The following PALLD variants were observed in gnomAD, a reference collection of about 807,000 sequenced individuals.
PALLD encodes palladin, cytoskeletal associated protein, also known as palladin.
PALLD carries 61 observed loss-of-function variants against 123.5 expected under a neutral mutation model. That is an observed-to-expected ratio of 0.49 (90% CI 0.40 to 0.61). The LOEUF is 0.61. Among genes scored for constraint, PALLD ranks in the 20% least tolerant of loss-of-function variants. The pLI, the probability that PALLD is intolerant of heterozygous loss-of-function variation, is 0.00. For missense variants in PALLD, 1,273 were observed against 1,377.0 expected (o/e 0.92, Z 1.20); for synonymous variants, 465 against 496.4 (o/e 0.94, Z 0.84).
intron 10 of PALLD, among the ~76,000 whole-genome samples, chr4:168,719,912 G>A (rs1289780146): frequency 6.6e-6 from 1 of 152,164 alleles, no homozygotes; most frequent in Admixed American, 6.5e-5. Context: ...ACATGATCTT[G>A]TTCCTTTATA....
intron 10 of PALLD, among the ~76,000 whole-genome samples, chr4:168,813,335 T>TC (rs1195059244): frequency 6.6e-6 from 1 of 152,210 alleles, no homozygotes; most frequent in African/African-American, 2.4e-5. Context: ...CCCAACACTT[T>TC]CCTAGGTAAA....
chr4:168,647,773 T>G (rs1029122131), intron 2 of PALLD: 1 of 97,230 alleles, frequency 1.0e-5, no homozygotes. Flanking sequence ...AGAGCCCGAC[T>G]CTGTCTCAAA....
At chr4:168,745,116 A>G (rs1485009335) in intron 10 of PALLD, among the ~76,000 whole-genome samples, 1 of 152,202 alleles carries the variant, frequency 6.6e-6, no homozygotes, top group Non-Finnish European at 1.5e-5. Context: ...CTTTATTGAT[A>G]AAACAAAAGT....
intron 10 of PALLD, among the ~76,000 whole-genome samples, chr4:168,746,204 C>T (rs1406551771): frequency 6.6e-6 from 1 of 151,614 alleles, no homozygotes; most frequent in East Asian, 1.9e-4. Context: ...TCTATAAAGC[C>T]TGCTTGGATA....
At position 168,512,839 on chromosome 4, in the gene PALLD, A is replaced by AG. The variant is rs566194100; in HGVS notation, c.908+428dup. ...CTAGAAGTGAAAGGCACGAGTGTGT[A>AG]GAGGCCAACCTTCAGATTAGCCCCC... is the stretch of plus-strand genomic sequence containing the variant. On this transcript the variant is annotated intron_variant, in intron 2 of 21. Transcript: ENST00000505667. Among the ~76,000 whole-genome samples the AG allele has an allele frequency of 6.4e-4, 98 of 152,312 alleles. 1 individual carries two copies. The highest frequency in any genetic ancestry group is 2.1e-3 in the African/African-American group (89 of 41,558).
At chr4:168,764,815 T>A (rs1400494952) in intron 10 of PALLD, among the ~76,000 whole-genome samples, 1 of 152,108 alleles carries the variant, frequency 6.6e-6, no homozygotes, top group Non-Finnish European at 1.5e-5. Flanking sequence ...GCTCCTTTGG[T>A]TCCCGCACCT....
At chr4:168,505,006 G>A (rs548351701) in intron 1 of PALLD, 4 of 152,322 alleles carry the variant, frequency 2.6e-5, no homozygotes, top group Admixed American at 2.6e-4. Flanking sequence ...AAATGATGGA[G>A]ATGTTTGTGA....
chr4:168,558,546 C>T (rs930643557), intron 2 of PALLD, among the ~76,000 whole-genome samples: 37 of 152,198 alleles, frequency 2.4e-4, no homozygotes, highest in Non-Finnish European at 4.3e-4. Context: ...TTCACCAGCC[C>T]TTCTTCCCTC....
chr4:168,912,209 A>G (rs1290582866), intron 15 of PALLD, among the ~76,000 whole-genome samples: 2 of 152,200 alleles, frequency 1.3e-5, no homozygotes, highest in African/African-American at 4.8e-5. Context: ...ACCTGTCTCT[A>G]TAGGCAGCTT....
Position 168,815,130 on chromosome 4 carries a change from C to A in PALLD, c.1965-75792C>A, listed in dbSNP as rs551464523. On this transcript the variant is annotated intron_variant, in intron 10 of 21. Coordinates refer to ENST00000505667, the MANE Select transcript of PALLD (RefSeq NM_001166108.2). ...TCTTTTCAAGAACAAGATGAATGAG[C>A]AAATGTAAACATTTTAAAATTAACT... Among the ~76,000 whole-genome samples, 6 of 152,318 alleles carry A rather than the reference C, an allele frequency of 3.9e-5. No homozygotes were observed. In the South Asian group the frequency reaches 1.2e-3, roughly 32 times the overall value.
intron 8 of PALLD, among the ~76,000 whole-genome samples, chr4:168,701,981 C>G (rs1783716849): frequency 6.6e-6 from 1 of 152,228 alleles, no homozygotes; most frequent in African/African-American, 2.4e-5. Flanking sequence ...AAGCTTATAT[C>G]CTGTTCCAAT....
intron 10 of PALLD, among the ~76,000 whole-genome samples, chr4:168,866,196 T>C (rs552958489): frequency 9.9e-5 from 15 of 152,262 alleles, no homozygotes; most frequent in African/African-American, 3.4e-4. Context: ...GCCCAGGAGT[T>C]TGAGGCTGCA....
intron 4 of PALLD, 61 bp downstream of exon 4, chr4:168,681,459 G>A: frequency 1.9e-6 from 2 of 1,061,960 alleles, no homozygotes; most frequent in Non-Finnish European, 2.9e-6. Context: ...AATGGTTGGG[G>A]TATGAAACCA....
intron 1 of PALLD, among the ~76,000 whole-genome samples, chr4:168,508,623 C>A (rs533054705): frequency 1.3e-5 from 2 of 151,992 alleles, no homozygotes; most frequent in African/African-American, 4.8e-5. Context: ...GATTTCAACA[C>A]AAAAACTGAA....
intron 10 of PALLD, among the ~76,000 whole-genome samples, chr4:168,822,538 A>G (rs1461556024): frequency 1.3e-5 from 2 of 152,184 alleles, no homozygotes; most frequent in African/African-American, 4.8e-5. Flanking sequence ...ACCTGATACT[A>G]ACTCATTCTT....
At chr4:168,510,422 C>A (rs893980618) in intron 1 of PALLD, among the ~76,000 whole-genome samples, 1 of 152,030 alleles carries the variant, frequency 6.6e-6, no homozygotes, top group Non-Finnish European at 1.5e-5. Context: ...AAAGCCTTAT[C>A]AAAATTTTAT....
chr4:168,590,114 G>C (rs139224267), intron 2 of PALLD, among the ~76,000 whole-genome samples: 4 of 152,364 alleles, frequency 2.6e-5, no homozygotes, highest in African/African-American at 9.6e-5. Flanking sequence ...AAGGCGGGGG[G>C]ATCACCTGAG....
chr4:168,711,540 T>C, intron 9 of PALLD, 41 bp from the exon 10 acceptor site: 1 of 1,332,726 alleles, frequency 7.5e-7, no homozygotes, highest in East Asian at 2.3e-5. Context: ...GTTGAACTAG[T>C]GGCATCTTCT....
At chr4:168,818,408 G>T (rs1268169010) in intron 10 of PALLD, among the ~76,000 whole-genome samples, 1 of 152,030 alleles carries the variant, frequency 6.6e-6, no homozygotes, top group East Asian at 1.9e-4. Context: ...GACCAGGCTG[G>T]GCAATATAAT....
Sources: allele counts gnomAD v4.1 joint callset (sites outside exome capture counted in the v4.1 genomes callset), GRCh38; gene constraint gnomAD v4.1.1; transcripts MANE v1.5; gene names NCBI Gene and HGNC (gene_info 2026-07-23, HGNC 2026-07-21).